The following ARF5 variants were observed in gnomAD, a reference collection of about 807,000 sequenced individuals.
ARF5 encodes ADP-ribosylation factor 5.
ARF5 carries 10 observed loss-of-function variants against 24.8 expected under a neutral mutation model. The ratio of observed to expected loss-of-function variants is 0.40; its 90% CI spans 0.25 to 0.68. The LOEUF is 0.68. Among genes scored for constraint, ARF5 ranks in the 30% least tolerant of loss-of-function variants. The probability of loss-of-function intolerance (pLI) is 0.36; values close to 1 mark genes in which losing one functional copy is unlikely to be tolerated. For synonymous variants in ARF5, 102 were observed against 95.1 expected (o/e 1.07, Z -0.42); for missense variants, 135 against 239.2 (o/e 0.56, Z 2.87).
chr7:127,590,856 C>A, intron 4 of ARF5, 107 bp from the exon 5 acceptor site: 1 of 1,430,504 alleles, frequency 7.0e-7, no homozygotes, highest in Non-Finnish European at 9.4e-7. Flanking sequence ...CGGCAGACTG[C>A]ACAATACTTT....
Position 127,590,872 on chromosome 7 carries a change from T to G in ARF5, c.331-91T>G, listed in dbSNP as rs538031597. On this transcript the variant is annotated intron_variant, in intron 4 of 5. Transcript: ENST00000000233. ...GGCAGACTGCACAATACTTTTTTTT[T>G]CCAATCAAGATGCTAGGAGGTAGAA... 4 of 1,486,114 alleles carry G rather than the reference T, an allele frequency of 2.7e-6. No individual in the cohort carries two copies. The East Asian group carries it at 9.3e-5, about 34-fold the overall frequency. 92.1% of individuals were successfully genotyped at this position (1,486,114 alleles called of 1,614,324 possible). A position where few individuals can be genotyped will look rare whatever the true frequency, so the allele number is the denominator to read the frequency against.
At chr7:127,589,223 T>C in intron 2 of ARF5, 60 bp downstream of exon 2, 1 of 1,576,452 alleles carries the variant, frequency 6.3e-7, no homozygotes. Flanking sequence ...CGGGGTCTGC[T>C]CCCAGTTCTG....
chr7:127,591,327 G>A lies in ARF5; in HGVS notation c.*28G>A, dbSNP rs11539552. Reference sequence around the variant, plus strand: ...AGCCAGGGGCAGGCCCCTGATGCCCGGAAGCTCCTGCGTGCATCCCCGGGA... The same window carrying A: ...AGCCAGGGGCAGGCCCCTGATGCCCAGAAGCTCCTGCGTGCATCCCCGGGA... On this transcript the variant is annotated 3_prime_UTR_variant, in exon 6 of 6. Coordinates refer to ENST00000000233, the MANE Select transcript of ARF5 (RefSeq NM_001662.4). The A allele has an allele frequency of 9.3e-4, 1,432 of 1,548,038 alleles. No individual in the cohort carries two copies. Among genetic ancestry groups the A allele is most frequent in the Non-Finnish European group, 1.1e-3 (1,314 of 1,152,312 alleles).
Position 127,591,357 on chromosome 7 carries a change from CA to C in ARF5, c.*59del. ...CTCCTGCGTGCATCCCCGGGATGAC[CA>C]GACTCCCGGACTCCTCAGGCAGTGC... On this transcript the variant is annotated 3_prime_UTR_variant, in exon 6 of 6. Coordinates refer to ENST00000000233, the MANE Select transcript of ARF5 (RefSeq NM_001662.4). The C allele has an allele frequency of 6.9e-7, 1 of 1,445,244 alleles. No individual in the cohort carries two copies. Among genetic ancestry groups the C allele is most frequent in the Non-Finnish European group, 9.3e-7 (1 of 1,077,170 alleles). The allele number at this position is 1,445,244 out of a possible 1,614,324, so 89.5% of individuals were successfully genotyped here.
At position 127,588,559 on chromosome 7, in the gene ARF5, C is replaced by G; in HGVS notation, c.61C>G (p.Leu21Val). 6.9e-7 allele frequency: 1 copy of G among 1,451,128 alleles called. No homozygotes were observed. Among genetic ancestry groups the G allele is most frequent in the Non-Finnish European group, 9.2e-7 (1 of 1,087,306 alleles). The allele number at this position is 1,451,128 out of a possible 1,614,324, so 89.9% of individuals were successfully genotyped here. Residue 21 changes from leucine (L) to valine (V), a missense_variant, in exon 1 of 6, where the codon CTC becomes GTC. Physicochemically the swap from Leu to Val is conservative, Grantham distance 32 (BLOSUM62 1). This residue lies in a region of ARF5 where 25 missense variants were observed against 30.6 expected (regional missense o/e 0.82). Coordinates refer to ENST00000000233, the MANE Select transcript of ARF5 (RefSeq NM_001662.4). ...CTTCGGGAAGAAGCAGATGCGGATT[C>G]TCATGGGTGAGGCAGATCGAGCGCG... ...RIFGKKQMRILMVGLDAAGKT... is the reference protein window; with the variant it reads ...RIFGKKQMRIVMVGLDAAGKT...
chr7:127,589,879 C>T (rs771978864), intron 3 of ARF5, 187 bp from the exon 4 acceptor site: 144 of 624,798 alleles, frequency 2.3e-4, no homozygotes, highest in Middle Eastern at 1.8e-3. Flanking sequence ...TTCCTCTTTG[C>T]AGTGGGGTCT....
At position 127,591,416 on chromosome 7, in the gene ARF5, C is replaced by T. The variant is rs571706545; in HGVS notation, c.*117C>T. ...TCCCACTTTTCCTCCCCCATAGCCA[C>T]AGGCCTCTGCTCCTGCTCCTGCCTG... On this transcript the variant is annotated 3_prime_UTR_variant, in exon 6 of 6. Coordinates refer to ENST00000000233, the MANE Select transcript of ARF5 (RefSeq NM_001662.4). 4.2e-5 allele frequency: 36 copies of T among 848,084 alleles called. No individual in the cohort carries two copies. Among genetic ancestry groups the T allele is most frequent in the Middle Eastern group, 3.6e-4 (1 of 2,784 alleles). 52.5% of individuals were successfully genotyped at this position (848,084 alleles called of 1,614,324 possible).
chr7:127,591,120 T>G (rs925226839), intron 5 of ARF5, 32 bp downstream of exon 5: 6 of 1,612,784 alleles, frequency 3.7e-6, no homozygotes, highest in Non-Finnish European at 5.1e-6. Context: ...TGCTGAATCC[T>G]GCCTCTTGAG....
At position 127,588,521 on chromosome 7, in the gene ARF5, T is replaced by C. The variant is rs1162647178; in HGVS notation, c.23T>C (p.Leu8Pro). Reference sequence around the variant, plus strand: ...GCCATGGGCCTCACCGTGTCCGCGCTCTTTTCGCGGATCTTCGGGAAGAAG... The same window carrying C: ...GCCATGGGCCTCACCGTGTCCGCGCCCTTTTCGCGGATCTTCGGGAAGAAG... Reference protein sequence around the residue: MGLTVSALFSRIFGKKQM... With the variant: MGLTVSAPFSRIFGKKQM... Residue 8 changes from leucine (L) to proline (P), a missense_variant, in exon 1 of 6, where the codon CTC becomes CCC. This residue lies in a region of ARF5 where 25 missense variants were observed against 30.6 expected (regional missense o/e 0.82). Transcript: ENST00000000233. The C allele has an allele frequency of 1.4e-6, 2 of 1,467,180 alleles. No individual in the cohort carries two copies. The highest frequency in any genetic ancestry group is 9.1e-7 in the Non-Finnish European group (1 of 1,098,964). 90.9% of individuals were successfully genotyped at this position (1,467,180 alleles called of 1,614,324 possible).
rs1200751151 is a variant in ARF5, at chr7:127,589,066, G to GC, written c.68-13dup. 1 of 1,614,066 alleles carries GC rather than the reference G, an allele frequency of 6.2e-7. No individual in the cohort carries two copies. Among genetic ancestry groups the GC allele is most frequent in the Non-Finnish European group, 8.5e-7 (1 of 1,179,898 alleles). On this transcript the variant is annotated splice_polypyrimidine_tract_variant and intron_variant, in intron 1 of 5. Coordinates refer to ENST00000000233, the MANE Select transcript of ARF5 (RefSeq NM_001662.4). ...CCCTCGCTCCCATCTCCATCCCTGT[G>GC]CCCCTTTCCGTTGCAGTTGGCTTGG...
At chr7:127,590,254 T>G in intron 4 of ARF5, 117 bp downstream of exon 4, 1 of 831,792 alleles carries the variant, frequency 1.2e-6, no homozygotes, top group Non-Finnish European at 2.0e-6. Context: ...TATAAGTTTT[T>G]CTTTGTGGAC....
At chr7:127,590,858 C>T (rs1179209046) in intron 4 of ARF5, 105 bp from the exon 5 acceptor site, 1 of 1,441,106 alleles carries the variant, frequency 6.9e-7, no homozygotes, top group Non-Finnish European at 9.4e-7. Context: ...GCAGACTGCA[C>T]AATACTTTTT....
Position 127,590,145 on chromosome 7 carries a change from C to T in ARF5, c.330+8C>T. ...GATGAACTCCAGAAGATGGTGAGTA[C>T]CCAGAGCCCTGGGAACTGAGCCCTC... On this transcript the variant is annotated splice_region_variant and intron_variant, in intron 4 of 5. Coordinates refer to ENST00000000233, the MANE Select transcript of ARF5 (RefSeq NM_001662.4). 1.2e-6 allele frequency: 2 copies of T among 1,612,740 alleles called. No individual in the cohort carries two copies. The highest frequency in any genetic ancestry group is 1.1e-5 in the South Asian group (1 of 91,044).
intron 1 of ARF5, 101 bp downstream of exon 1, chr7:127,588,666 C>T: frequency 8.8e-7 from 1 of 1,136,486 alleles, no homozygotes; most frequent in Non-Finnish European, 1.1e-6. Context: ...GTCTCTGGCC[C>T]CGAGTCACCC....
rs1261768055 is a variant in ARF5 at position 127,591,289 on chromosome 7, C to G, written c.533C>G (p.Ser178Ter). ...DGLDWLSHEL[S>*]KR ...CTGGACTGGCTGTCCCACGAGCTGT[C>G]AAAGCGCTAACCAGCCAGGGGCAGG... The change falls in exon 6 of 6, where the codon TCA (serine) becomes TGA (stop). Residue 178 changes from serine (S) to a stop codon, truncating the protein, a stop_gained. Coordinates refer to ENST00000000233, the MANE Select transcript of ARF5 (RefSeq NM_001662.4). LOFTEE classifies it high-confidence loss of function. The G allele has an allele frequency of 6.3e-7, 1 of 1,599,534 alleles. No homozygotes were observed. Among genetic ancestry groups the G allele is most frequent in the Non-Finnish European group, 8.5e-7 (1 of 1,175,056 alleles).
chr7:127,589,423 T>C (rs1428290711), intron 2 of ARF5, 62 bp from the exon 3 acceptor site: 4 of 1,358,270 alleles, frequency 2.9e-6, no homozygotes, highest in Non-Finnish European at 4.2e-6. Flanking sequence ...GAAATCTAAG[T>C]AGTTTTAGTG....
At position 127,591,369 on chromosome 7, in the gene ARF5, C is replaced by T; in HGVS notation, c.*70C>T. ...TCCCCGGGATGACCAGACTCCCGGA[C>T]TCCTCAGGCAGTGCCCTTTCCTCCC... On this transcript the variant is annotated 3_prime_UTR_variant, in exon 6 of 6. Coordinates refer to ENST00000000233, the MANE Select transcript of ARF5 (RefSeq NM_001662.4). The T allele has an allele frequency of 7.3e-7, 1 of 1,362,746 alleles. No individual in the cohort carries two copies. The highest frequency in any genetic ancestry group is 9.9e-7 in the Non-Finnish European group (1 of 1,011,078). The allele number at this position is 1,362,746 out of a possible 1,614,324, so 84.4% of individuals were successfully genotyped here. A position where few individuals can be genotyped will look rare whatever the true frequency, so the allele number is the denominator to read the frequency against.
intron 1 of ARF5, 100 bp downstream of exon 1, chr7:127,588,665 C>T (rs1022004630): frequency 5.3e-6 from 6 of 1,133,482 alleles, no homozygotes; most frequent in African/African-American, 1.6e-5. Flanking sequence ...GGTCTCTGGC[C>T]CCGAGTCACC....
intron 1 of ARF5, chr7:127,588,785 C>A: frequency 1.7e-6 from 1 of 572,936 alleles, no homozygotes; most frequent in Non-Finnish European, 3.0e-6. Flanking sequence ...AAGCTCCCTC[C>A]GCCCCAGCCC....
Sources: gnomAD v4.1 joint callset for allele counts on GRCh38, gnomAD v4.1.1 for gene constraint, gnomAD v4.1.1 regional missense constraint, MANE v1.5 for transcripts, NCBI Gene and HGNC (gene_info 2026-07-23, HGNC 2026-07-21) for gene names.